The following NPY2R variants were observed in gnomAD, a reference collection of about 807,000 sequenced individuals.
NPY2R encodes the protein neuropeptide Y receptor type 2.
In NPY2R, 17 loss-of-function variants were observed where a neutral mutation model predicts 22.3. The ratio of observed to expected loss-of-function variants is 0.76; its 90% CI spans 0.52 to 1.14. The LOEUF is 1.14. Among genes scored for constraint, NPY2R ranks in the 50% most tolerant of loss-of-function variants. The pLI, the probability that NPY2R is intolerant of heterozygous loss-of-function variation, is 0.00. For synonymous variants in NPY2R, 209 were observed against 183.4 expected (o/e 1.14, Z -1.13); for missense variants, 424 against 467.9 (o/e 0.91, Z 0.87).
chr4:155,200,009 T>C, the NPY2R span, among the ~76,000 whole-genome samples: 2 of 151,762 alleles, frequency 1.3e-5, no homozygotes, highest in Middle Eastern at 3.4e-3. Context: ...AAATTGACCA[T>C]TAAACTAAAG....
At chr4:155,187,195 C>T in the NPY2R span, among the ~76,000 whole-genome samples, 1 of 152,200 alleles carries the variant, frequency 6.6e-6, no homozygotes, top group Non-Finnish European at 1.5e-5. Flanking sequence ...AAATTAATCA[C>T]TGAAACGCAC....
Position 155,214,058 on chromosome 4 carries a change from T to C in NPY2R, c.119T>C (p.Leu40Pro). ...CTGGTCCCTGACCCTGAGCCAGAGCTTATAGATAGTACCAAGCTGATTGAG... is the reference window on the plus strand; with the variant it reads ...CTGGTCCCTGACCCTGAGCCAGAGCCTATAGATAGTACCAAGCTGATTGAG... The part of the protein sequence containing the change: ...GELVPDPEPE[L>P]IDSTKLIEVQ... The change falls in exon 2 of 2, where the codon CTT becomes CCT. Residue 40 changes from leucine (L) to proline (P), a missense_variant. Transcript: ENST00000329476. The C allele has an allele frequency of 6.2e-7, 1 of 1,613,896 alleles. No individual in the cohort carries two copies. Among genetic ancestry groups the C allele is most frequent in the South Asian group, 1.1e-5 (1 of 91,068 alleles).
chr4:155,177,173 A>G, the NPY2R span, among the ~76,000 whole-genome samples: 1 of 152,164 alleles, frequency 6.6e-6, no homozygotes, highest in East Asian at 1.9e-4. Flanking sequence ...TCCACACAAA[A>G]GTGTAAAGTC....
the NPY2R span, among the ~76,000 whole-genome samples, chr4:155,179,706 T>C: frequency 6.6e-6 from 1 of 152,182 alleles, no homozygotes; most frequent in Admixed American, 6.6e-5. Context: ...ATAGTTTGGG[T>C]TTTAGTCAAG....
At chr4:155,209,888 A>G (rs1182433191) in intron 1 of NPY2R, among the ~76,000 whole-genome samples, 1 of 151,968 alleles carries the variant, frequency 6.6e-6, no homozygotes, top group East Asian at 1.9e-4. Context: ...TCTCTCCTCA[A>G]AGCATGAACT....
the NPY2R span, among the ~76,000 whole-genome samples, chr4:155,185,401 G>A: frequency 6.6e-6 from 1 of 152,058 alleles, no homozygotes; most frequent in Non-Finnish European, 1.5e-5. Context: ...TATTATGATA[G>A]TGAGGTCATT....
chr4:155,215,208 T>C lies in NPY2R; in HGVS notation c.*123T>C. On this transcript the variant is annotated 3_prime_UTR_variant, in exon 2 of 2. Coordinates refer to ENST00000329476, the MANE Select transcript of NPY2R (RefSeq NM_000910.4). ...GAAGAAGTGGATCTAAATGGAAGCA[T>C]CTGCTGTTTAATTCCTGGAAAACTG... The C allele has an allele frequency of 4.2e-6, 4 of 945,646 alleles. No homozygotes were observed. Among genetic ancestry groups the C allele is most frequent in the Non-Finnish European group, 6.7e-6 (4 of 593,524 alleles). The allele number at this position is 945,646 out of a possible 1,614,324, so 58.6% of individuals were successfully genotyped here. A position where few individuals can be genotyped will look rare whatever the true frequency, so the allele number is the denominator to read the frequency against.
At position 155,214,224 on chromosome 4, in the gene NPY2R, A is replaced by G; in HGVS notation, c.285A>G (p.Ala95=). ...TNFFIANLAV[A]DLLVNTLCLP... is the part of the protein sequence containing the mutation. ...TTTTCATTGCCAATCTGGCTGTGGC[A>G]GATCTTTTGGTGAACACTCTGTGTC... Residue 95 remains alanine, a synonymous_variant, in exon 2 of 2, where the codon GCA becomes GCG. Transcript: ENST00000329476. 1 of 1,614,146 alleles carries G rather than the reference A, an allele frequency of 6.2e-7. No homozygotes were observed. Among genetic ancestry groups the G allele is most frequent in the Non-Finnish European group, 8.5e-7 (1 of 1,180,014 alleles).
At chr4:155,198,467 G>A in the NPY2R span, among the ~76,000 whole-genome samples, 2 of 135,642 alleles carry the variant, frequency 1.5e-5, no homozygotes, top group African/African-American at 5.3e-5. Flanking sequence ...TTAAAATTAA[G>A]TAATATGCCT....
upstream of NPY2R, chr4:155,208,260 C>G (rs1371559149): frequency 6.6e-6 from 1 of 152,416 alleles, no homozygotes; most frequent in Non-Finnish European, 1.5e-5. The surrounding 1 kb of genome is among the most constrained non-coding windows in gnomAD (Gnocchi z 5.6). Context: ...TCTCCAGCCC[C>G]GGCCCTCCTC....
In NPY2R at chr4:155,215,395, A is replaced by G; in HGVS notation, c.*310A>G. The stretch of plus-strand genomic sequence containing the variant: ...AAGAAAACTTGAACAAGAAATTGGT[A>G]TTATCAAAGCATTGCTGAGAGACGG... On this transcript the variant is annotated 3_prime_UTR_variant, in exon 2 of 2. Coordinates refer to ENST00000329476, the MANE Select transcript of NPY2R (RefSeq NM_000910.4). 2 of 445,960 alleles carry G rather than the reference A, an allele frequency of 4.5e-6. No individual in the cohort carries two copies. The highest frequency in any genetic ancestry group is 2.1e-5 in the South Asian group (1 of 46,906). 27.6% of individuals were successfully genotyped at this position (445,960 alleles called of 1,614,324 possible).
rs978525720 is a variant in NPY2R, at chr4:155,214,981, G to A, written c.1042G>A (p.Ala348Thr). The A allele has an allele frequency of 1.2e-6, 2 of 1,614,206 alleles. No homozygotes were observed. The highest frequency in any genetic ancestry group is 8.5e-7 in the Non-Finnish European group (1 of 1,180,030). ...SAFRCEQRLD[A>T]IHSEVSVTFK... Reference sequence around the variant, plus strand: ...CTTCCGCTGTGAGCAGCGGTTGGATGCCATTCACTCTGAGGTGTCCGTGAC... The same window carrying A: ...CTTCCGCTGTGAGCAGCGGTTGGATACCATTCACTCTGAGGTGTCCGTGAC... The change falls in exon 2 of 2, where the codon GCC becomes ACC. Residue 348 changes from alanine to threonine, a missense_variant. By Grantham distance (58) the Ala-to-Thr change is moderately conservative. Transcript: ENST00000329476.
At chr4:155,185,308 G>A in the NPY2R span, among the ~76,000 whole-genome samples, 2 of 152,050 alleles carry the variant, frequency 1.3e-5, no homozygotes, top group Non-Finnish European at 2.9e-5. Context: ...AAAGTGATGG[G>A]ATTACAGGCG....
At chr4:155,213,108 A>T (rs997386977) in intron 1 of NPY2R, among the ~76,000 whole-genome samples, 1 of 152,142 alleles carries the variant, frequency 6.6e-6, no homozygotes, top group Non-Finnish European at 1.5e-5. Context: ...AGAGTGGTAT[A>T]ATGGACTTTG....
the NPY2R span, among the ~76,000 whole-genome samples, chr4:155,197,784 C>A: frequency 6.6e-6 from 1 of 151,782 alleles, no homozygotes; most frequent in Non-Finnish European, 1.5e-5. Context: ...ATGGTGCCCC[C>A]CAGGCCAAAA....
At chr4:155,180,962 G>C in the NPY2R span, among the ~76,000 whole-genome samples, 1 of 151,952 alleles carries the variant, frequency 6.6e-6, no homozygotes, top group African/African-American at 2.4e-5. Context: ...GAAAGTCAGT[G>C]ATGAGACTTT....
the NPY2R span, among the ~76,000 whole-genome samples, chr4:155,192,451 G>A: frequency 2.0e-5 from 3 of 151,718 alleles, no homozygotes; most frequent in African/African-American, 4.8e-5. Context: ...TCATTGCACA[G>A]GATAATTTGT....
the NPY2R span, among the ~76,000 whole-genome samples, chr4:155,192,792 C>G: frequency 1.3e-5 from 2 of 151,924 alleles, no homozygotes; most frequent in African/African-American, 2.4e-5. Flanking sequence ...CTCCAAACCT[C>G]AAGACAGCTA....
the NPY2R span, among the ~76,000 whole-genome samples, chr4:155,176,590 A>G: frequency 6.6e-6 from 1 of 152,182 alleles, no homozygotes; most frequent in Non-Finnish European, 1.5e-5. Flanking sequence ...ATATTAGGAT[A>G]CATAAACACA....
Sources: allele counts gnomAD v4.1 joint callset (sites outside exome capture counted in the v4.1 genomes callset), GRCh38; gene constraint gnomAD v4.1.1; non-coding constraint Gnocchi (gnomAD v3.1); transcripts MANE v1.5; gene names NCBI Gene and HGNC (gene_info 2026-07-23, HGNC 2026-07-21).